Variants in VAPB observed in about 807,000 individuals in gnomAD.
VAPB encodes vesicle-associated membrane protein-associated protein B/C.
VAPB carries 7 observed loss-of-function variants against 25.6 expected under a neutral mutation model. The observed-to-expected ratio is 0.27, with a 90% CI of 0.16 to 0.51. VAPB has a LOEUF of 0.51. Among genes scored for constraint, VAPB ranks in the 20% least tolerant of loss-of-function variants. VAPB has a pLI of 0.97. For missense variants in VAPB, 266 were observed against 301.3 expected, an observed-to-expected ratio of 0.88 and a Z score of 0.87; for synonymous variants, 112 against 109.2, an observed-to-expected ratio of 1.03 and a Z score of -0.16.
chr20:58,438,606 A>G (rs1989096277), intron 3 of VAPB, among the ~76,000 whole-genome samples: 1 of 152,196 alleles, frequency 6.6e-6, no homozygotes, highest in African/African-American at 2.4e-5. Flanking sequence ...TCATAAGGAG[A>G]GCCAAGGTTA....
At chr20:58,392,375 A>G (rs1987826705) in intron 1 of VAPB, among the ~76,000 whole-genome samples, 1 of 152,224 alleles carries the variant, frequency 6.6e-6, no homozygotes, top group Admixed American at 6.5e-5. Context: ...AATTATGCCA[A>G]AGTCACTGGA....
intron 1 of VAPB, among the ~76,000 whole-genome samples, chr20:58,410,631 G>A (rs1485596123): frequency 6.6e-6 from 1 of 151,794 alleles, no homozygotes; most frequent in Admixed American, 6.6e-5. Flanking sequence ...TGGCCAGGCT[G>A]GTCTCGAACT....
rs144718603 is a variant in VAPB, at chr20:58,444,170, C to T, written c.667C>T (p.Arg223Trp). The stretch of plus-strand genomic sequence containing the variant: ...TGGGAAGGAAGAAGGCCTTAGCACC[C>T]GGCTCTTGGCTCTGGTGGTTTTGTT... ...PTGKEEGLST[R>W]LLALVVLFFI... The change falls in exon 6 of 6, where the codon CGG becomes TGG. Residue 223 changes from arginine (R) to tryptophan (W), a missense_variant. Physicochemically the swap from Arg to Trp is moderately radical, Grantham distance 101 (BLOSUM62 -3). This residue lies in a region of VAPB where 136 missense variants were observed against 130.7 expected (regional missense o/e 1.04). Transcript: ENST00000475243. 108 of 1,614,158 alleles carry T rather than the reference C, an allele frequency of 6.7e-5. No homozygotes were observed. Among genetic ancestry groups the T allele is most frequent in the Non-Finnish European group, 8.2e-5 (97 of 1,180,038 alleles).
chr20:58,418,510 A>G (rs1988600916), intron 2 of VAPB, 147 bp downstream of exon 2: 17 of 840,768 alleles, frequency 2.0e-5, no homozygotes, highest in Non-Finnish European at 4.8e-6. Flanking sequence ...CCACCCCACA[A>G]CCCTCCACCC....
intron 1 of VAPB, among the ~76,000 whole-genome samples, chr20:58,402,413 C>A (rs1988118153): frequency 6.6e-6 from 1 of 152,180 alleles, no homozygotes; most frequent in African/African-American, 2.4e-5. Flanking sequence ...TGAGGCTCAG[C>A]ACAGGCTTCA....
At chr20:58,424,797 T>C (rs1988750874) in intron 2 of VAPB, among the ~76,000 whole-genome samples, 1 of 152,234 alleles carries the variant, frequency 6.6e-6, no homozygotes, top group Admixed American at 6.5e-5. Context: ...TTAATCAGAC[T>C]GTGAGGAGTT....
intron 2 of VAPB, among the ~76,000 whole-genome samples, chr20:58,426,017 C>T (rs1456542721): frequency 6.6e-6 from 1 of 152,144 alleles, no homozygotes; most frequent in East Asian, 1.9e-4. Context: ...CTCAGCTTCC[C>T]CAGTAGCTGG....
chr20:58,431,907 T>G (rs188310689), intron 2 of VAPB, among the ~76,000 whole-genome samples: 1 of 152,270 alleles, frequency 6.6e-6, no homozygotes, highest in East Asian at 1.9e-4. Flanking sequence ...TTGGATGGAT[T>G]GTTGTGAGTA....
chr20:58,407,986 A>G (rs1988273459), intron 1 of VAPB, among the ~76,000 whole-genome samples: 1 of 151,812 alleles, frequency 6.6e-6, no homozygotes, highest in Non-Finnish European at 1.5e-5. Flanking sequence ...CCTGAGTTTG[A>G]TCTTAGGAAT....
At position 58,449,284 on chromosome 20, in the gene VAPB, A is replaced by T. The variant is rs1184614689; in HGVS notation, c.*5049A>T. ...CCCTCCATGCCATGTTTTTGGCTGT[A>T]TCTACGGCACTTAACAATAGGGGCT... On this transcript the variant is annotated 3_prime_UTR_variant, in exon 6 of 6. Transcript: ENST00000475243. 1 of 453,572 alleles carries T rather than the reference A, an allele frequency of 2.2e-6. No individual in the cohort carries two copies. The allele number at this position is 453,572 out of a possible 1,614,324, so 28.1% of individuals were successfully genotyped here.
In VAPB at chr20:58,444,144, C is replaced by T. The variant is rs1271622919; in HGVS notation, c.641C>T (p.Thr214Ile). 2.5e-6 allele frequency: 4 copies of T among 1,614,086 alleles called. No homozygotes were observed. The East Asian group carries it at 6.7e-5, about 27-fold the overall frequency. Residue 214 changes from threonine to isoleucine, a missense_variant, in exon 6 of 6, where the codon ACT becomes ATT. Physicochemically the swap from Thr to Ile is moderately conservative, Grantham distance 89 (BLOSUM62 -1). Around this residue, in one of 3 missense-constraint regions of VAPB, gnomAD observed 136 missense variants for 130.7 expected, o/e 1.04. Coordinates refer to ENST00000475243, the MANE Select transcript of VAPB (RefSeq NM_004738.5). ...SNSPISALAP[T>I]GKEEGLSTRL... ...AGCCCCATTTCAGCATTAGCCCCAA[C>T]TGGGAAGGAAGAAGGCCTTAGCACC... is the stretch of plus-strand genomic sequence containing the variant.
chr20:58,406,931 G>C (rs1217876860), intron 1 of VAPB, among the ~76,000 whole-genome samples: 1 of 152,080 alleles, frequency 6.6e-6, no homozygotes, highest in African/African-American at 2.4e-5. Flanking sequence ...TGTGATTACT[G>C]TAATCAGAAA....
At chr20:58,414,468 C>T (rs1420349094) in intron 1 of VAPB, among the ~76,000 whole-genome samples, 21 of 150,660 alleles carry the variant, frequency 1.4e-4, no homozygotes, top group Admixed American at 2.6e-4. Context: ...ACTCCTCAGA[C>T]GGGGCGGTTG....
chr20:58,417,130 G>A (rs1733473067), intron 1 of VAPB, among the ~76,000 whole-genome samples: 1 of 152,206 alleles, frequency 6.6e-6, no homozygotes, highest in Non-Finnish European at 1.5e-5. Context: ...CAGAAATACT[G>A]ATTTACAGGT....
At position 58,444,739 on chromosome 20, in the gene VAPB, A is replaced by G; in HGVS notation, c.*504A>G. 1 of 454,490 alleles carries G rather than the reference A, an allele frequency of 2.2e-6. No individual in the cohort carries two copies. Among genetic ancestry groups the G allele is most frequent in the South Asian group, 1.6e-5 (1 of 64,468 alleles). 28.2% of individuals were successfully genotyped at this position (454,490 alleles called of 1,614,324 possible). On this transcript the variant is annotated 3_prime_UTR_variant, in exon 6 of 6. Transcript: ENST00000475243. ...CTGTCCAAGCCATCAGCTCCTTGGG[A>G]CTGATGAACAGAGTCAGAAGCCCAA...
At chr20:58,409,642 CT>C (rs1289372239) in intron 1 of VAPB, among the ~76,000 whole-genome samples, 1 of 152,036 alleles carries the variant, frequency 6.6e-6, no homozygotes, top group Non-Finnish European at 1.5e-5. Flanking sequence ...AATAATATAG[CT>C]TTTTTTATGC....
At chr20:58,407,017 A>T (rs1988245591) in intron 1 of VAPB, among the ~76,000 whole-genome samples, 1 of 152,234 alleles carries the variant, frequency 6.6e-6, no homozygotes, top group Non-Finnish European at 1.5e-5. Flanking sequence ...GAAAAAATTC[A>T]GTTTATTAAA....
Position 58,447,153 on chromosome 20 carries a change from A to G in VAPB, c.*2918A>G, listed in dbSNP as rs917619432. On this transcript the variant is annotated 3_prime_UTR_variant, in exon 6 of 6. Coordinates refer to ENST00000475243, the MANE Select transcript of VAPB (RefSeq NM_004738.5). ...GGCCCTGGCTTCAGAAATGCCAGCC[A>G]TAGTGCTCACAAATGCAGAAGAGAT... 5 of 454,008 alleles carry G rather than the reference A, an allele frequency of 1.1e-5. No individual in the cohort carries two copies. The highest frequency in any genetic ancestry group is 4.7e-5 in the South Asian group (3 of 64,486). The allele number at this position is 454,008 out of a possible 1,614,324, so 28.1% of individuals were successfully genotyped here.
intron 1 of VAPB, among the ~76,000 whole-genome samples, chr20:58,402,598 C>T (rs1390743679): frequency 9.3e-5 from 14 of 150,018 alleles, no homozygotes; most frequent in Non-Finnish European, 5.9e-5. Flanking sequence ...TGTCTCTTCT[C>T]CCCACATCCC....
Sources: gnomAD v4.1 joint callset for allele counts (sites outside exome capture counted in the v4.1 genomes callset) on GRCh38, gnomAD v4.1.1 for gene constraint, gnomAD v4.1.1 regional missense constraint, MANE v1.5 for transcripts, NCBI Gene and HGNC (gene_info 2026-07-23, HGNC 2026-07-21) for gene names.